CUBN: variants seen among roughly 807,000 people sequenced by gnomAD.
CUBN encodes 460 kDa receptor.
In CUBN, 282 loss-of-function variants were observed where a neutral mutation model predicts 405.3. That is an observed-to-expected ratio of 0.70 (90% CI 0.63 to 0.77). The LOEUF (loss-of-function observed/expected upper bound fraction) is 0.77. Ranked by LOEUF, CUBN falls within the 30% of genes least tolerant of loss-of-function variation. CUBN has a pLI of 0.00. For synonymous variants in CUBN, 1,684 were observed against 1,617.0 expected (o/e 1.04, Z -0.99); for missense variants, 4,514 against 4,475.2 (o/e 1.01, Z -0.25).
At chr10:16,983,616 T>A (rs562667221) in intron 30 of CUBN, among the ~76,000 whole-genome samples, 49 of 152,232 alleles carry the variant, frequency 3.2e-4, no homozygotes, top group Non-Finnish European at 5.0e-4. Context: ...TGCTAACATC[T>A]GTTACACTAT....
intron 27 of CUBN, among the ~76,000 whole-genome samples, chr10:17,034,639 C>G (rs1398460560): frequency 6.6e-6 from 1 of 152,010 alleles, no homozygotes; most frequent in African/African-American, 2.4e-5. Context: ...TAACAAGATC[C>G]CCAGATGATT....
chr10:16,858,693 G>C (rs1454253967), intron 59 of CUBN, among the ~76,000 whole-genome samples: 6 of 152,206 alleles, frequency 3.9e-5, no homozygotes, highest in Admixed American at 2.0e-4. Flanking sequence ...GAAAAATGAA[G>C]TGGGATGAAT....
intron 27 of CUBN, among the ~76,000 whole-genome samples, chr10:17,035,080 A>G (rs78759864): frequency 1.1e-4 from 6 of 54,004 alleles, no homozygotes; most frequent in Non-Finnish European, 2.8e-4. Flanking sequence ...ACCTATGGAT[A>G]AAAAAAAAAA....
intron 21 of CUBN, among the ~76,000 whole-genome samples, chr10:17,066,302 T>C (rs540987165): frequency 6.6e-6 from 1 of 152,250 alleles, no homozygotes; most frequent in East Asian, 1.9e-4. Flanking sequence ...AGAGTTGTGA[T>C]AAAAGACAGA....
intron 39 of CUBN, among the ~76,000 whole-genome samples, chr10:16,933,838 T>A (rs1842425836): frequency 6.6e-6 from 1 of 152,186 alleles, no homozygotes; most frequent in South Asian, 2.1e-4. Flanking sequence ...AGTTTACTGG[T>A]CAGTTTCTCA....
intron 31 of CUBN, among the ~76,000 whole-genome samples, chr10:16,973,484 T>C (rs1166497746): frequency 6.6e-6 from 1 of 152,224 alleles, no homozygotes; most frequent in Non-Finnish European, 1.5e-5. Flanking sequence ...CCCTGACTTC[T>C]TTTTCTAAAA....
At chr10:17,038,267 A>G (rs778645563) in intron 27 of CUBN, among the ~76,000 whole-genome samples, 2 of 152,148 alleles carry the variant, frequency 1.3e-5, no homozygotes, top group Non-Finnish European at 2.9e-5. Flanking sequence ...CCTTTTCTGC[A>G]TGGAGACTCA....
At chr10:17,121,663 T>C (rs1393736206) in intron 6 of CUBN, among the ~76,000 whole-genome samples, 1 of 151,866 alleles carries the variant, frequency 6.6e-6, no homozygotes, top group Admixed American at 6.6e-5. Flanking sequence ...AACCTGAACA[T>C]TGTGCACATG....
chr10:16,848,045 C>G (rs1839570912), intron 60 of CUBN, among the ~76,000 whole-genome samples: 1 of 152,072 alleles, frequency 6.6e-6, no homozygotes, highest in Non-Finnish European at 1.5e-5. Context: ...AATTGCTTTT[C>G]CAAGGGGGAA....
chr10:16,964,746 G>A lies in CUBN; in HGVS notation c.4696-10198C>T, dbSNP rs190385036. 2.6e-5 allele frequency among the ~76,000 whole-genome samples: 4 copies of A among 152,274 alleles called. No individual in the cohort carries two copies. The East Asian group carries it at 5.8e-4, about 22-fold the overall frequency. ...GCACCCAAGCCAGATGGCTACTAAC[G>A]CCAGTTAATCTAGCCTCTTGCTGCC... On this transcript the variant is annotated intron_variant, in intron 31 of 66. Coordinates refer to ENST00000377833, the MANE Select transcript of CUBN (RefSeq NM_001081.4).
chr10:17,025,172 A>G (rs929940638), intron 27 of CUBN, among the ~76,000 whole-genome samples: 1 of 152,194 alleles, frequency 6.6e-6, no homozygotes, highest in Non-Finnish European at 1.5e-5. Context: ...TGTAGTAGAG[A>G]ATCCCCTATT....
intron 54 of CUBN, among the ~76,000 whole-genome samples, chr10:16,896,622 T>C (rs1318257836): frequency 6.6e-6 from 1 of 152,248 alleles, no homozygotes; most frequent in African/African-American, 2.4e-5. Flanking sequence ...AGAAGTTTAA[T>C]TAAGATATGT....
rs77818545 is a variant in CUBN at position 17,092,443 on chromosome 10, G to C, written c.1766-4098C>G. Among the ~76,000 whole-genome samples the C allele has an allele frequency of 5.4e-3, 823 of 152,226 alleles. 11 individuals are homozygous for C. Among genetic ancestry groups the C allele is most frequent in the African/African-American group, 0.019 (794 of 41,546 alleles). On this transcript the variant is annotated intron_variant, in intron 14 of 66. Coordinates refer to ENST00000377833, the MANE Select transcript of CUBN (RefSeq NM_001081.4). ...TGAGACCTACTAGACTGCATTTCCA[G>C]GAGTTTAAGGAATTCATAGTCACGG...
intron 66 of CUBN, among the ~76,000 whole-genome samples, chr10:16,828,163 G>A (rs1255425917): frequency 6.8e-6 from 1 of 147,274 alleles, no homozygotes; most frequent in East Asian, 2.2e-4. Flanking sequence ...GTCACAGAGG[G>A]AGCTTTTTTT....
intron 17 of CUBN, among the ~76,000 whole-genome samples, chr10:17,076,494 A>G (rs1835857878): frequency 6.6e-6 from 1 of 152,118 alleles, no homozygotes; most frequent in South Asian, 2.1e-4. Flanking sequence ...AAAAAAAAAA[A>G]AAAAAAACCT....
chr10:16,950,049 C>A lies in CUBN; in HGVS notation c.5032G>T (p.Asp1678Tyr). Reference sequence around the variant, plus strand: ...CCGCCATCCAAAATTTCTACAAAGTCACGTGCACACGTTGTGCTTCTTTCA... The same window carrying A: ...CCGCCATCCAAAATTTCTACAAAGTAACGTGCACACGTTGTGCTTCTTTCA... Reference protein sequence around the residue: ...ELERSTTCARDFVEILDGGHE... With the variant: ...ELERSTTCARYFVEILDGGHE... The change falls in exon 34 of 67, where the codon GAC becomes TAC. Residue 1678 changes from aspartate (D) to tyrosine (Y), a missense_variant. By Grantham distance (160) the Asp-to-Tyr change is radical (BLOSUM62 -3). Coordinates refer to ENST00000377833, the MANE Select transcript of CUBN (RefSeq NM_001081.4). The A allele has an allele frequency of 1.2e-6, 2 of 1,614,030 alleles. No homozygotes were observed. Among genetic ancestry groups the A allele is most frequent in the South Asian group, 2.2e-5 (2 of 91,038 alleles).
At chr10:16,974,365 T>C (rs1053831616) in intron 31 of CUBN, among the ~76,000 whole-genome samples, 5 of 152,150 alleles carry the variant, frequency 3.3e-5, no homozygotes, top group Non-Finnish European at 4.4e-5. Context: ...CCTGGGTTCT[T>C]AGAGGTATTT....
intron 56 of CUBN, among the ~76,000 whole-genome samples, chr10:16,877,919 A>C (rs960834015): frequency 6.6e-6 from 1 of 152,250 alleles, no homozygotes; most frequent in African/African-American, 2.4e-5. Flanking sequence ...AATGACACCC[A>C]TATGGTAACC....
Position 16,933,251 on chromosome 10 carries a change from G to C in CUBN, c.5960C>G (p.Ala1987Gly). ...ACGGFLRTGD[A>G]PVFLFSPGWP... ...GCCCGGGGAGAAGAGAAACACGGGT[G>C]CATCTCCCGTCCTCAGGAAGCCACC... Residue 1987 changes from alanine to glycine, a missense_variant, in exon 40 of 67, where the codon GCA becomes GGA. Transcript: ENST00000377833. 6.2e-7 allele frequency: 1 copy of C among 1,613,874 alleles called. No homozygotes were observed. The highest frequency in any genetic ancestry group is 8.5e-7 in the Non-Finnish European group (1 of 1,179,948).
Sources: allele counts gnomAD v4.1 joint callset (sites outside exome capture counted in the v4.1 genomes callset), GRCh38; gene constraint gnomAD v4.1.1; transcripts MANE v1.5; gene names NCBI Gene and HGNC (gene_info 2026-07-23, HGNC 2026-07-21).